Variants in CEP72 observed in about 807,000 individuals in gnomAD.
CEP72 encodes centrosomal protein of 72 kDa.
CEP72 carries 78 observed loss-of-function variants against 65.7 expected under a neutral mutation model. The ratio of observed to expected loss-of-function variants is 1.19; its 90% confidence interval spans 0.99 to 1.43. The LOEUF (loss-of-function observed/expected upper bound fraction) is 1.43. Ranked by LOEUF, CEP72 falls within the 40% of genes most tolerant of loss-of-function variation. The pLI, the probability that CEP72 is intolerant of heterozygous loss-of-function variation, is 0.00. For synonymous variants in CEP72, 358 were observed against 351.7 expected (o/e 1.02, Z -0.20); for missense variants, 914 against 832.9 (o/e 1.10, Z -1.20).
rs1423504875 is a variant in CEP72, at chr5:645,320, C to T, written c.1666+895C>T. 6.6e-6 allele frequency among the ~76,000 whole-genome samples: 1 copy of T among 151,896 alleles called. No individual in the cohort carries two copies. The highest frequency in any genetic ancestry group is 1.5e-5 in the Non-Finnish European group (1 of 67,970). ...GTTTTTATTGGGTTGTTTTATCGAG[C>T]GGTAAGAGTTCCTTAGAGTCTTCTT... On this transcript the variant is annotated intron_variant, in intron 10 of 11. Transcript: ENST00000264935. This position sits in a 1 kb window ranked among gnomAD's most constrained non-coding sequence, Gnocchi z 4.0.
At chr5:648,442 C>A (rs901498037) in intron 11 of CEP72, among the ~76,000 whole-genome samples, 1 of 139,236 alleles carries the variant, frequency 7.2e-6, no homozygotes, top group African/African-American at 2.9e-5. Context: ...GAGGTATCAA[C>A]CCTGAGTGTG....
chr5:633,078 G>T (rs60302778), intron 4 of CEP72, among the ~76,000 whole-genome samples: 1 of 61,420 alleles, frequency 1.6e-5, no homozygotes, highest in Non-Finnish European at 2.9e-5. Flanking sequence ...GTCCAGTGCC[G>T]GGATTTGACC....
chr5:667,099 G>A (rs935333225), exon 5 of CEP72: 4 of 152,224 alleles, frequency 2.6e-5, no homozygotes, highest in Non-Finnish European at 4.4e-5. Context: ...CTTTCCAGAA[G>A]TCAGTGAGCA....
At chr5:672,672 G>A in the CEP72 span, among the ~76,000 whole-genome samples, 4 of 152,242 alleles carry the variant, frequency 2.6e-5, no homozygotes, top group African/African-American at 7.2e-5. Flanking sequence ...CCCCTCCCCA[G>A]GCTCGAGGAG....
downstream of CEP72, among the ~76,000 whole-genome samples, chr5:669,046 G>C (rs1740081919): frequency 3.3e-5 from 5 of 152,236 alleles, no homozygotes; most frequent in Admixed American, 3.3e-4. Flanking sequence ...AGCCAAAGAA[G>C]AAATCGCGCT....
downstream of CEP72, among the ~76,000 whole-genome samples, chr5:671,285 G>C (rs1740214543): frequency 6.6e-6 from 1 of 152,166 alleles, no homozygotes. Flanking sequence ...ACCGCCCTGT[G>C]GACATCACTA....
At chr5:665,278 T>C (rs1739848700) in exon 3 of CEP72, 1 of 1,613,060 alleles carries the variant, frequency 6.2e-7, no homozygotes, top group Non-Finnish European at 8.5e-7. Flanking sequence ...CTCGACACTG[T>C]GGGCGACGAG....
At chr5:664,906 T>C in intron 2 of CEP72, 1 of 612,776 alleles carries the variant, frequency 1.6e-6, no homozygotes, top group South Asian at 2.0e-5. Flanking sequence ...GGCCCAAACC[T>C]GGTTTGAGAG....
chr5:659,584 G>A (rs1166229966), downstream of CEP72, among the ~76,000 whole-genome samples: 1 of 152,198 alleles, frequency 6.6e-6, no homozygotes, highest in African/African-American at 2.4e-5. Flanking sequence ...CAGTGTTCAT[G>A]TCCATTCCCC....
At chr5:675,451 TGGGGTGCAGCACAG>T in the CEP72 span, among the ~76,000 whole-genome samples, 108 of 11,502 alleles carry the variant, frequency 9.4e-3, no homozygotes, top group Non-Finnish European at 0.012. Context: ...GCAGTGTGGC[TGGGGTGCAGCACAG>T]GGGGTGCAGT....
In CEP72 at chr5:647,818, T is replaced by G. The variant is rs780587856; in HGVS notation, c.1680T>G (p.Ser560Arg). The change falls in exon 11 of 12, where the codon AGT (serine) becomes AGG (arginine). Residue 560 changes from serine (S) to arginine (R), a missense_variant. Physicochemically the swap from Ser to Arg is moderately radical, Grantham distance 110 (BLOSUM62 -1). Coordinates refer to ENST00000264935, the MANE Select transcript of CEP72 (RefSeq NM_018140.4). ...LNLQIAGLQT[S>R]VKRLCGEIVE... Reference sequence around the variant, plus strand: ...TTTCTCTTTCAGGACTTCAAACAAGTGTGAAGAGGCTGTGTGGCGAGATTG... The same window carrying G: ...TTTCTCTTTCAGGACTTCAAACAAGGGTGAAGAGGCTGTGTGGCGAGATTG... 1.2e-6 allele frequency: 2 copies of G among 1,611,624 alleles called. No individual in the cohort carries two copies. The highest frequency in any genetic ancestry group is 3.3e-5 in the Admixed American group (2 of 59,900).
At chr5:640,740 G>A in intron 9 of CEP72, 136 bp downstream of exon 9, 1 of 1,437,228 alleles carries the variant, frequency 7.0e-7, no homozygotes, top group Non-Finnish European at 9.1e-7. Flanking sequence ...TCCACTCCCT[G>A]CCCGGGACCC....
intron 11 of CEP72, 51 bp downstream of exon 11, chr5:647,967 A>G (rs1408190414): frequency 7.4e-7 from 1 of 1,345,810 alleles, no homozygotes; most frequent in Non-Finnish European, 1.1e-6. Flanking sequence ...AGGCCCAGGT[A>G]CAGGGAGGGT....
rs1259425001 is a variant in CEP72 at position 612,672 on chromosome 5, CCTGT to C, written c.82+232_82+235del. The C allele has an allele frequency of 1.2e-5, 11 of 923,948 alleles. No homozygotes were observed. The African/African-American group carries it at 2.2e-4, about 19-fold the overall frequency. The allele number at this position is 923,948 out of a possible 1,614,324, so 57.2% of individuals were successfully genotyped here. ...TCGGGTCCCGGCGTCCCGGCCCCTG[CCTGT>C]CTATCGGGTCACTGGTTCCGTGACT... On this transcript the variant is annotated intron_variant, in intron 1 of 11. Transcript: ENST00000264935.
At chr5:649,437 TGACTGTGAGGTGTG>T (rs1738758670) in intron 11 of CEP72, among the ~76,000 whole-genome samples, 1 of 111,868 alleles carries the variant, frequency 8.9e-6, no homozygotes, top group African/African-American at 3.8e-5. Flanking sequence ...CTGTGAGGGG[TGACTGTGAGGTGTG>T]GACTGTGAGG....
In CEP72 at chr5:624,503, G is replaced by C. The variant is rs769023906; in HGVS notation, c.436G>C (p.Ala146Pro). 10 of 1,614,104 alleles carry C rather than the reference G, an allele frequency of 6.2e-6. No homozygotes were observed. Among genetic ancestry groups the C allele is most frequent in the Middle Eastern group, 1.6e-4 (1 of 6,084 alleles). ...DRPVRASERK[A>P]SRLHFASEDS... ...CCCCGTGAGAGCAAGCGAGCGGAAG[G>C]CTTCCCGACTGCATTTTGCATCAGA... The change falls in exon 4 of 12, where the codon GCT (alanine) becomes CCT (proline). Residue 146 changes from alanine (A) to proline (P), a missense_variant. Coordinates refer to ENST00000264935, the MANE Select transcript of CEP72 (RefSeq NM_018140.4). This position sits in a 1 kb window ranked among gnomAD's most constrained non-coding sequence, Gnocchi z 4.7.
chr5:616,667 G>A (rs1168086940), intron 1 of CEP72, among the ~76,000 whole-genome samples: 1 of 152,092 alleles, frequency 6.6e-6, no homozygotes, highest in Non-Finnish European at 1.5e-5. Context: ...CCTCACCCAC[G>A]GCCTCTGGCA....
rs765723855 is a variant in CEP72 at position 635,589 on chromosome 5, T to G, written c.904+5T>G. On this transcript the variant is annotated splice_donor_5th_base_variant and intron_variant, in intron 6 of 11. Coordinates refer to ENST00000264935, the MANE Select transcript of CEP72 (RefSeq NM_018140.4). ...CGTACTTCACCCCACACCCAGGTAC[T>G]TACGCGTGTCTTAGTCTGTTTTCTG... 1.0e-5 allele frequency: 16 copies of G among 1,603,674 alleles called. No individual in the cohort carries two copies. In the South Asian group the frequency reaches 1.8e-4, roughly 18 times the overall value.
intron 6 of CEP72, among the ~76,000 whole-genome samples, chr5:635,881 C>G (rs1331590388): frequency 6.6e-6 from 1 of 151,650 alleles, no homozygotes; most frequent in Non-Finnish European, 1.5e-5. Flanking sequence ...CCAGACTCAT[C>G]CTTTATCAGG....
Sources: allele counts gnomAD v4.1 joint callset (sites outside exome capture counted in the v4.1 genomes callset), GRCh38; gene constraint gnomAD v4.1.1; non-coding constraint Gnocchi (gnomAD v3.1); transcripts MANE v1.5; gene names NCBI Gene and HGNC (gene_info 2026-07-23, HGNC 2026-07-21).